PPP1R12C: variants seen among roughly 807,000 people sequenced by gnomAD.
The protein encoded by PPP1R12C is leukocyte receptor cluster (LRC) encoded novel gene 3.
Under a neutral mutation model 95.6 loss-of-function variants are expected in PPP1R12C, and 48 were observed. The ratio of observed to expected loss-of-function variants is 0.50; its 90% CI spans 0.40 to 0.64. The LOEUF is 0.64. Among genes scored for constraint, PPP1R12C ranks in the 30% least tolerant of loss-of-function variants. The probability of loss-of-function intolerance (pLI) is 0.00; values close to 1 mark genes in which losing one functional copy is unlikely to be tolerated. For missense variants in PPP1R12C, 1,057 were observed against 1,083.3 expected (o/e 0.98, Z 0.34); for synonymous variants, 480 against 460.8 (o/e 1.04, Z -0.53).
At chr19:55,097,584 CCGCGCAG>C (rs2084935485) in intron 6 of PPP1R12C, among the ~76,000 whole-genome samples, 20 of 7,448 alleles carry the variant, frequency 2.7e-3, no homozygotes, top group East Asian at 0.026. Context: ...CACCCCTTCC[CCGCGCAG>C]TTCACCACCG....
At position 55,096,157 on chromosome 19, in the gene PPP1R12C, G is replaced by C; in HGVS notation, c.1047C>G (p.Ser349Arg). 6.2e-7 allele frequency: 1 copy of C among 1,604,064 alleles called. No homozygotes were observed. Among genetic ancestry groups the C allele is most frequent in the African/African-American group, 1.3e-5 (1 of 74,574 alleles). Residue 349 changes from serine to arginine, a missense_variant, in exon 8 of 22, where the codon AGC (serine) becomes AGG (arginine). Around this residue, in one of 5 missense-constraint regions of PPP1R12C, gnomAD observed 356 missense variants for 330.5 expected, o/e 1.08. Coordinates refer to ENST00000263433, the MANE Select transcript of PPP1R12C (RefSeq NM_017607.4). The part of the protein sequence containing the change: ...KHRRSSVCRL[S>R]SREKISLQDL... ...CCTGGAGGGAAATCTTCTCGCGACT[G>C]CTCAGACGACACACAGAGCTCCTGT...
chr19:55,096,125 G>A lies in PPP1R12C; in HGVS notation c.1079C>T (p.Ser360Phe), dbSNP rs2084909487. 8 of 1,599,108 alleles carry A rather than the reference G, an allele frequency of 5.0e-6. No individual in the cohort carries two copies. The highest frequency in any genetic ancestry group is 6.8e-6 in the Non-Finnish European group (8 of 1,173,988). Residue 360 changes from serine (S) to phenylalanine (F), a missense_variant, in exon 8 of 22, where the codon TCC becomes TTC. Transcript: ENST00000263433. ...SREKISLQDLSKERRPGGAGG... is the reference protein window; with the variant it reads ...SREKISLQDLFKERRPGGAGG... ...AGCCCCACCAGGCCGGCGCTCCTTG[G>A]ACAAGTCCTGGAGGGAAATCTTCTC...
chr19:55,098,699 G>A (rs906129229), intron 6 of PPP1R12C, 85 bp downstream of exon 6: 9 of 861,260 alleles, frequency 1.0e-5, no homozygotes, highest in Admixed American at 2.7e-5. Flanking sequence ...GTCAGAAGTC[G>A]GGGGGGTTCC....
At chr19:55,098,130 C>T (rs916113372) in intron 6 of PPP1R12C, among the ~76,000 whole-genome samples, 16 of 152,256 alleles carry the variant, frequency 1.1e-4, no homozygotes, top group Admixed American at 2.0e-4. Context: ...CCTCACAGAG[C>T]TCACTGAACG....
At chr19:55,108,908 G>A (rs569499734) in intron 3 of PPP1R12C, among the ~76,000 whole-genome samples, 1 of 152,206 alleles carries the variant, frequency 6.6e-6, no homozygotes, top group South Asian at 2.1e-4. Flanking sequence ...GTTTCTCCAT[G>A]TTGGTCAGGT....
In PPP1R12C at chr19:55,093,038, G is replaced by T; in HGVS notation, c.1803C>A (p.Asn601Lys). 6.3e-7 allele frequency: 1 copy of T among 1,589,488 alleles called. No individual in the cohort carries two copies. Among genetic ancestry groups the T allele is most frequent in the Non-Finnish European group, 8.6e-7 (1 of 1,166,806 alleles). ...SRRPRVPGVE[N>K]SDSPAQRAEA... ...CACCTCTCTGGGCAGGGCTGTCAGA[G>T]TTCTCCACTCCAGGGACGCGGGGCC... is the stretch of plus-strand genomic sequence containing the variant. Residue 601 changes from asparagine to lysine, a missense_variant, in exon 15 of 22, where the codon AAC becomes AAA. By Grantham distance (94) the Asn-to-Lys change is moderately conservative. Around this residue, in one of 5 missense-constraint regions of PPP1R12C, gnomAD observed 347 missense variants for 307.9 expected, o/e 1.13. Transcript: ENST00000263433.
chr19:55,116,123 G>A (rs1316963128), intron 1 of PPP1R12C, among the ~76,000 whole-genome samples: 1 of 152,144 alleles, frequency 6.6e-6, no homozygotes, highest in African/African-American at 2.4e-5. Context: ...CCAGGGAGAC[G>A]GGGTACTTTG....
At chr19:55,102,642 T>C (rs1386837661) in intron 4 of PPP1R12C, among the ~76,000 whole-genome samples, 1 of 151,712 alleles carries the variant, frequency 6.6e-6, no homozygotes, top group Non-Finnish European at 1.5e-5. Context: ...GCACCTCTCA[T>C]AGTAACTGAC....
intron 3 of PPP1R12C, 26 bp downstream of exon 3, chr19:55,112,441 C>T (rs1283939276): frequency 1.9e-6 from 3 of 1,595,588 alleles, no homozygotes; most frequent in Non-Finnish European, 2.6e-6. Context: ...TGTCCCCCAC[C>T]CCACACACAG....
chr19:55,113,345 C>G, intron 1 of PPP1R12C: 1 of 1,347,964 alleles, frequency 7.4e-7, no homozygotes, highest in Non-Finnish European at 9.7e-7. Flanking sequence ...CTGGGACAGA[C>G]TCAGGGGCCT....
At chr19:55,107,147 C>T (rs1168975677) in intron 3 of PPP1R12C, among the ~76,000 whole-genome samples, 1 of 152,102 alleles carries the variant, frequency 6.6e-6, no homozygotes, top group East Asian at 1.9e-4. Context: ...GGCACGGTGA[C>T]TCACGCCTGT....
Position 55,092,279 on chromosome 19 carries a change from C to T in PPP1R12C, c.2103G>A (p.Leu701=). The T allele has an allele frequency of 1.2e-6, 2 of 1,600,918 alleles. No individual in the cohort carries two copies. Among genetic ancestry groups the T allele is most frequent in the Non-Finnish European group, 1.7e-6 (2 of 1,174,192 alleles). ...GCGCCAGCCGCAGCGTGGTCTCGGT[C>T]AGGGCCTCGCGAAGCCGCTCGTTCT... ...RRENERLREA[L]TETTLRLAQL... Residue 701 remains leucine (L), a synonymous_variant, in exon 19 of 22, where the codon CTG becomes CTA. Transcript: ENST00000263433.
intron 3 of PPP1R12C, among the ~76,000 whole-genome samples, chr19:55,106,316 G>A (rs1370336660): frequency 6.6e-6 from 1 of 152,222 alleles, no homozygotes; most frequent in African/African-American, 2.4e-5. Flanking sequence ...TCTGCCCATG[G>A]TTGGGAAGGC....
intron 3 of PPP1R12C, among the ~76,000 whole-genome samples, chr19:55,107,989 G>A (rs1339478189): frequency 6.8e-6 from 1 of 146,674 alleles, no homozygotes; most frequent in Non-Finnish European, 1.5e-5. Flanking sequence ...AGGCTGGAGT[G>A]CAGTGGTGAG....
rs2084834794 is a variant in PPP1R12C at position 55,091,192 on chromosome 19, T to C, written c.*280A>G. On this transcript the variant is annotated 3_prime_UTR_variant, in exon 22 of 22. Coordinates refer to ENST00000263433, the MANE Select transcript of PPP1R12C (RefSeq NM_017607.4). ...CCACTCTGGTCCTGGCTACTGATCC[T>C]TGCACTTCTTGGTCCTCAGTTCCTT... 4.0e-6 allele frequency: 2 copies of C among 499,674 alleles called. No individual in the cohort carries two copies. The highest frequency in any genetic ancestry group is 1.9e-5 in the African/African-American group (1 of 51,670). The allele number at this position is 499,674 out of a possible 1,614,324, so 31.0% of individuals were successfully genotyped here.
chr19:55,094,492 G>T (rs2084886568), intron 12 of PPP1R12C, 57 bp from the exon 13 acceptor site: 6 of 1,606,374 alleles, frequency 3.7e-6, no homozygotes, highest in African/African-American at 1.3e-5. Flanking sequence ...CCCATTCCGT[G>T]GCTGACACCC....
Position 55,091,145 on chromosome 19 carries a change from T to C in PPP1R12C, c.*327A>G. On this transcript the variant is annotated 3_prime_UTR_variant, in exon 22 of 22. Coordinates refer to ENST00000263433, the MANE Select transcript of PPP1R12C (RefSeq NM_017607.4). ...AGGGGTGACGGGGTGGCATCACACG[T>C]GAGATGGGGACCTCCAGGCGGCCAC... 2.6e-6 allele frequency: 1 copy of C among 385,496 alleles called. No individual in the cohort carries two copies. Among genetic ancestry groups the C allele is most frequent in the South Asian group, 2.7e-5 (1 of 37,040 alleles). The allele number at this position is 385,496 out of a possible 1,614,324, so 23.9% of individuals were successfully genotyped here.
chr19:55,103,591 G>T (rs921171367), intron 3 of PPP1R12C, 23 bp from the exon 4 acceptor site: 1 of 1,535,522 alleles, frequency 6.5e-7, no homozygotes. Context: ...GAGGCACGAG[G>T]TAGGACTCAC....
In PPP1R12C at chr19:55,093,229, A is replaced by G; in HGVS notation, c.1688T>C (p.Val563Ala). 1 of 1,612,794 alleles carries G rather than the reference A, an allele frequency of 6.2e-7. No homozygotes were observed. The highest frequency in any genetic ancestry group is 8.5e-7 in the Non-Finnish European group (1 of 1,179,776). ...MRQSRRSTQG[V>A]TLTDLKEAEK... is the part of the protein sequence containing the mutation. ...TGCCTCCTTCAGGTCTGTAAGAGTCACACCCTGGCAGGGAAAGGGGACAGT... is the reference window on the plus strand; with the variant it reads ...TGCCTCCTTCAGGTCTGTAAGAGTCGCACCCTGGCAGGGAAAGGGGACAGT... The change falls in exon 14 of 22, where the codon GTG becomes GCG. Residue 563 changes from valine to alanine, a missense_variant. Physicochemically the swap from Val to Ala is moderately conservative, Grantham distance 64 (BLOSUM62 0). Around this residue, in one of 5 missense-constraint regions of PPP1R12C, gnomAD observed 347 missense variants for 307.9 expected, o/e 1.13. Transcript: ENST00000263433.
Sources: allele counts gnomAD v4.1 joint callset (sites outside exome capture counted in the v4.1 genomes callset), GRCh38; gene constraint gnomAD v4.1.1; regional missense constraint gnomAD v4.1.1; transcripts MANE v1.5; gene names NCBI Gene and HGNC (gene_info 2026-07-23, HGNC 2026-07-21).